The following MAGI2 variants were observed in gnomAD, a reference collection of about 807,000 sequenced individuals.
MAGI2 encodes the protein membrane associated guanylate kinase, WW and PDZ domain containing 2.
Under a neutral mutation model 133.3 loss-of-function variants are expected in MAGI2, and 35 were observed. The observed-to-expected ratio is 0.26, with a 90% CI of 0.20 to 0.35. The LOEUF is 0.35. Ranked by LOEUF, MAGI2 falls within the 10% of genes least tolerant of loss-of-function variation. MAGI2 has a pLI of 1.00. For synonymous variants in MAGI2, 729 were observed against 710.6 expected, an observed-to-expected ratio of 1.03 and a Z score of -0.41; for missense variants, 1,636 against 1,863.4, an observed-to-expected ratio of 0.88 and a Z score of 2.25.
At chr7:78,887,820 G>T (rs1796387844) in intron 2 of MAGI2, among the ~76,000 whole-genome samples, 1 of 152,254 alleles carries the variant, frequency 6.6e-6, no homozygotes. Context: ...GAAGATGGGT[G>T]ATTTCTGCAT....
At chr7:78,517,565 G>A (rs909680282) in intron 4 of MAGI2, among the ~76,000 whole-genome samples, 15 of 152,146 alleles carry the variant, frequency 9.9e-5, no homozygotes, top group African/African-American at 3.6e-4. Context: ...GATAATATAT[G>A]TATTATATGC....
intron 9 of MAGI2, among the ~76,000 whole-genome samples, chr7:78,264,795 C>T (rs888026210): frequency 3.3e-5 from 5 of 152,132 alleles, no homozygotes; most frequent in Admixed American, 1.3e-4. Context: ...TTAAGAGTTC[C>T]TACATCTGAT....
At chr7:78,541,778 T>A (rs1470211780) in intron 3 of MAGI2, among the ~76,000 whole-genome samples, 2 of 152,168 alleles carry the variant, frequency 1.3e-5, no homozygotes, top group African/African-American at 4.8e-5. Flanking sequence ...AGAGACCAAT[T>A]AAATGAGGTT....
At chr7:79,348,887 T>G (rs1448407419) in intron 1 of MAGI2, among the ~76,000 whole-genome samples, 1 of 151,818 alleles carries the variant, frequency 6.6e-6, no homozygotes, top group Non-Finnish European at 1.5e-5. Flanking sequence ...TTAGAAAAAA[T>G]TATGCAATGC....
intron 9 of MAGI2, among the ~76,000 whole-genome samples, chr7:78,274,256 T>G (rs1794847791): frequency 6.6e-6 from 1 of 152,192 alleles, no homozygotes; most frequent in South Asian, 2.1e-4. Flanking sequence ...TGCCTGGGTA[T>G]CACCAGCAGA....
At chr7:78,483,632 T>C (rs1248736150) in intron 6 of MAGI2, among the ~76,000 whole-genome samples, 1 of 151,834 alleles carries the variant, frequency 6.6e-6, no homozygotes, top group Non-Finnish European at 1.5e-5. Context: ...AATTGTATTA[T>C]TTCCTCCACA....
At chr7:79,165,202 G>A (rs1028316637) in intron 1 of MAGI2, among the ~76,000 whole-genome samples, 7 of 149,430 alleles carry the variant, frequency 4.7e-5, no homozygotes, top group Admixed American at 6.7e-5. Flanking sequence ...AATTCTCAGT[G>A]CATTTAAGCT....
chr7:78,337,902 A>ATCCATCCG (rs1789939526), intron 9 of MAGI2, among the ~76,000 whole-genome samples: 1 of 151,750 alleles, frequency 6.6e-6, no homozygotes, highest in East Asian at 1.9e-4. Flanking sequence ...CCATCCATCC[A>ATCCATCCG]TCCATCCATC....
chr7:79,445,060 G>A (rs991192897), intron 1 of MAGI2, among the ~76,000 whole-genome samples: 1 of 152,218 alleles, frequency 6.6e-6, no homozygotes, highest in Non-Finnish European at 1.5e-5. Context: ...AACAAGCAAT[G>A]GGGAAAGGAT....
At chr7:79,085,598 T>C (rs975491561) in intron 1 of MAGI2, among the ~76,000 whole-genome samples, 1 of 152,092 alleles carries the variant, frequency 6.6e-6, no homozygotes, top group Non-Finnish European at 1.5e-5. Flanking sequence ...AATAATATAA[T>C]GCACCAACTC....
intron 2 of MAGI2, among the ~76,000 whole-genome samples, chr7:78,870,879 A>T (rs928276338): frequency 6.6e-6 from 1 of 152,214 alleles, no homozygotes; most frequent in Admixed American, 6.5e-5. Flanking sequence ...AGAAAGGAAC[A>T]AAATAATGGC....
At chr7:78,082,040 T>C (rs1319504774) in intron 20 of MAGI2, among the ~76,000 whole-genome samples, 2 of 152,128 alleles carry the variant, frequency 1.3e-5, no homozygotes, top group African/African-American at 2.4e-5. Flanking sequence ...ATAAACCCCC[T>C]CGAACCCCAA....
intron 1 of MAGI2, among the ~76,000 whole-genome samples, chr7:79,136,048 GGAAAGAAAGAAAGAAAGAAGGAAAGAAA>G (rs1821466611): frequency 6.0e-4 from 39 of 64,502 alleles, no homozygotes; most frequent in East Asian, 4.5e-3. Context: ...AAAGAAAGAA[GGAAAGAAAGAAAGAAAGAAGGAAAGAAA>G]GAAAGAAAGA....
intron 2 of MAGI2, among the ~76,000 whole-genome samples, chr7:78,971,800 T>TG (rs150529732): frequency 0.016 from 2,448 of 152,050 alleles, 49 homozygotes; most frequent in African/African-American, 0.05. Context: ...ACCTGTATAA[T>TG]GGGGGTTTCA....
chr7:78,971,783 A>G (rs1419257264), intron 2 of MAGI2, among the ~76,000 whole-genome samples: 1 of 151,798 alleles, frequency 6.6e-6, no homozygotes, highest in African/African-American at 2.4e-5. Flanking sequence ...ATCTGTCTCA[A>G]TTTCTCACCT....
intron 2 of MAGI2, among the ~76,000 whole-genome samples, chr7:78,818,296 C>T (rs1015335718): frequency 5.3e-5 from 8 of 152,176 alleles, no homozygotes; most frequent in East Asian, 1.9e-4. Context: ...TTCCATTAAA[C>T]GTATTCCACA....
chr7:78,950,625 T>A (rs1584481031), intron 2 of MAGI2, among the ~76,000 whole-genome samples: 1 of 152,282 alleles, frequency 6.6e-6, no homozygotes, highest in East Asian at 1.9e-4. Flanking sequence ...CAGCAAAAGT[T>A]AGTTTCTTCA....
At chr7:79,121,501 C>G (rs1463432220) in intron 1 of MAGI2, among the ~76,000 whole-genome samples, 1 of 152,010 alleles carries the variant, frequency 6.6e-6, no homozygotes, top group East Asian at 1.9e-4. Context: ...ATTTCAGAGC[C>G]AATAATCTCC....
chr7:78,293,236 A>G (rs1049853610), intron 9 of MAGI2, among the ~76,000 whole-genome samples: 2 of 152,216 alleles, frequency 1.3e-5, no homozygotes, highest in Non-Finnish European at 2.9e-5. Context: ...ACAAATTTAC[A>G]AGAAAAAATC....
Sources: gnomAD v4.1 joint callset for allele counts (sites outside exome capture counted in the v4.1 genomes callset) on GRCh38, gnomAD v4.1.1 for gene constraint, MANE v1.5 for transcripts, NCBI Gene and HGNC (gene_info 2026-07-23, HGNC 2026-07-21) for gene names.